Variants in ZSWIM6 observed in about 807,000 individuals in gnomAD.
ZSWIM6 encodes zinc finger SWIM-type containing 6.
ZSWIM6 carries 9 observed loss-of-function variants against 113.2 expected under a neutral mutation model. The observed-to-expected ratio is 0.08, with a 90% confidence interval of 0.05 to 0.14. The LOEUF (loss-of-function observed/expected upper bound fraction) is 0.14, where lower values mean the gene tolerates loss of function less well. Among genes scored for constraint, ZSWIM6 ranks in the 10% least tolerant of loss-of-function variants. The probability of loss-of-function intolerance (pLI) is 1.00; values close to 1 mark genes in which losing one functional copy is unlikely to be tolerated. For missense variants in ZSWIM6, 1,162 were observed against 1,552.2 expected, an observed-to-expected ratio of 0.75 and a Z score of 4.22; for synonymous variants, 611 against 606.5, an observed-to-expected ratio of 1.01 and a Z score of -0.11.
At chr5:61,394,180 A>C (rs1745791154) in intron 1 of ZSWIM6, among the ~76,000 whole-genome samples, 1 of 152,252 alleles carries the variant, frequency 6.6e-6, no homozygotes, top group African/African-American at 2.4e-5. Flanking sequence ...TTATGATTAA[A>C]AGAAAATTCC....
At chr5:61,542,171 A>G (rs557742760) in intron 13 of ZSWIM6, among the ~76,000 whole-genome samples, 72 of 152,350 alleles carry the variant, frequency 4.7e-4, no homozygotes, top group African/African-American at 1.5e-3. Context: ...AAATGGTCAC[A>G]TTTGTGAAGC....
chr5:61,528,321 C>T (rs1164324307), intron 7 of ZSWIM6, among the ~76,000 whole-genome samples: 2 of 151,946 alleles, frequency 1.3e-5, no homozygotes, highest in Non-Finnish European at 2.9e-5. Flanking sequence ...CAGTTTCTAT[C>T]ACTTGACAAT....
chr5:61,425,769 C>T (rs1746452175), intron 1 of ZSWIM6, among the ~76,000 whole-genome samples: 1 of 152,064 alleles, frequency 6.6e-6, no homozygotes, highest in Non-Finnish European at 1.5e-5. Context: ...ACAGAATGTG[C>T]AAAAGCACTG....
chr5:61,333,811 G>A (rs1056120276), intron 1 of ZSWIM6, among the ~76,000 whole-genome samples: 42 of 151,948 alleles, frequency 2.8e-4, no homozygotes, highest in African/African-American at 9.9e-4. Flanking sequence ...CTTGTGCCCC[G>A]CCGCCCGAGT....
At chr5:61,530,977 A>G (rs1749415109) in intron 8 of ZSWIM6, among the ~76,000 whole-genome samples, 1 of 152,202 alleles carries the variant, frequency 6.6e-6, no homozygotes, top group Non-Finnish European at 1.5e-5. Flanking sequence ...AGACAAGAGA[A>G]TGTTCAAAGA....
chr5:61,505,724 CTTCCCTCT>C (rs1409390481), intron 4 of ZSWIM6, among the ~76,000 whole-genome samples: 16 of 133,366 alleles, frequency 1.2e-4, no homozygotes, highest in Admixed American at 8.6e-4. Context: ...TCCTTCCTTC[CTTCCCTCT>C]CTCTCTCTCT....
At chr5:61,336,287 T>C (rs534840897) in intron 1 of ZSWIM6, among the ~76,000 whole-genome samples, 27 of 152,032 alleles carry the variant, frequency 1.8e-4, no homozygotes, top group Admixed American at 3.3e-4. Flanking sequence ...AGAATTGATA[T>C]TGATATTGGA....
chr5:61,437,460 C>T (rs1746733492), intron 1 of ZSWIM6, among the ~76,000 whole-genome samples: 1 of 152,190 alleles, frequency 6.6e-6, no homozygotes, highest in South Asian at 2.1e-4. Flanking sequence ...CGGTGGCTCA[C>T]GCCTGTAGTC....
At position 61,494,380 on chromosome 5, in the gene ZSWIM6, G is replaced by A; in HGVS notation, c.1303G>A (p.Asp435Asn). Residue 435 changes from aspartate to asparagine, a missense_variant, in exon 4 of 14, where the codon GAC becomes AAC. Transcript: ENST00000252744. The stretch of plus-strand genomic sequence containing the variant: ...GCGGCAACAAGGCACTGCAATGACT[G>A]ACAAATACAGGCAGCTCTGGGATGA... ...LWRQQGTAMT[D>N]KYRQLWDELG... 6.4e-7 allele frequency: 1 copy of A among 1,551,032 alleles called. No individual in the cohort carries two copies. The highest frequency in any genetic ancestry group is 8.7e-7 in the Non-Finnish European group (1 of 1,146,540).
At chr5:61,440,477 T>G (rs1010725692) in intron 1 of ZSWIM6, among the ~76,000 whole-genome samples, 6 of 152,078 alleles carry the variant, frequency 3.9e-5, no homozygotes, top group African/African-American at 1.4e-4. Context: ...TCAATGTCTC[T>G]TACCTTCCCA....
At chr5:61,369,644 G>A (rs912343258) in intron 1 of ZSWIM6, among the ~76,000 whole-genome samples, 1 of 152,096 alleles carries the variant, frequency 6.6e-6, no homozygotes, top group African/African-American at 2.4e-5. Context: ...GCTTACTTGA[G>A]TGGTGGTTTA....
intron 1 of ZSWIM6, among the ~76,000 whole-genome samples, chr5:61,388,965 T>C (rs1745645849): frequency 6.6e-6 from 1 of 152,244 alleles, no homozygotes; most frequent in South Asian, 2.1e-4. Flanking sequence ...GATCAGTGTT[T>C]CTTTATTCTT....
chr5:61,353,997 A>C (rs569445221), intron 1 of ZSWIM6, among the ~76,000 whole-genome samples: 1 of 152,198 alleles, frequency 6.6e-6, no homozygotes, highest in African/African-American at 2.4e-5. Flanking sequence ...ATTATAGCTT[A>C]AAGACCTAAC....
chr5:61,503,056 G>A (rs1425750363), intron 4 of ZSWIM6, among the ~76,000 whole-genome samples: 2 of 152,176 alleles, frequency 1.3e-5, no homozygotes, highest in Non-Finnish European at 2.9e-5. Context: ...AGGCAAGATG[G>A]CAGATGATTT....
chr5:61,333,611 T>C (rs1358657599), intron 1 of ZSWIM6, among the ~76,000 whole-genome samples: 1 of 151,296 alleles, frequency 6.6e-6, no homozygotes, highest in East Asian at 2.0e-4. Context: ...AATGTCGTTT[T>C]CTTTGCGCCT....
intron 11 of ZSWIM6, 76 bp downstream of exon 11, chr5:61,539,047 C>A: frequency 7.1e-7 from 1 of 1,413,284 alleles, no homozygotes; most frequent in Non-Finnish European, 9.3e-7. Context: ...TGTTTTCTAT[C>A]AAATTCTCAG....
chr5:61,370,283 G>A (rs1745239040), intron 1 of ZSWIM6, among the ~76,000 whole-genome samples: 1 of 152,134 alleles, frequency 6.6e-6, no homozygotes, highest in Admixed American at 6.5e-5. Context: ...AATAATAGAA[G>A]CAATGAAACC....
At chr5:61,403,986 A>G (rs1206655791) in intron 1 of ZSWIM6, among the ~76,000 whole-genome samples, 3 of 151,866 alleles carry the variant, frequency 2.0e-5, no homozygotes, top group Non-Finnish European at 1.5e-5. Flanking sequence ...TTCAGTAGCC[A>G]TCTTGGGAGG....
intron 6 of ZSWIM6, 56 bp downstream of exon 6, chr5:61,526,032 A>G (rs1302487164): frequency 5.2e-6 from 8 of 1,535,446 alleles, no homozygotes; most frequent in African/African-American, 2.7e-5. Context: ...TTTAGTTTCT[A>G]TAGCATTACT....
Sources: gnomAD v4.1 joint callset for allele counts (sites outside exome capture counted in the v4.1 genomes callset) on GRCh38, gnomAD v4.1.1 for gene constraint, MANE v1.5 for transcripts, NCBI Gene and HGNC (gene_info 2026-07-23, HGNC 2026-07-21) for gene names.